The following SLC26A8 variants were observed in gnomAD, a reference collection of about 807,000 sequenced individuals.
SLC26A8 encodes testis anion transporter 1.
A neutral mutation model predicts 105.0 loss-of-function variants in SLC26A8; 70 were observed. The ratio of observed to expected loss-of-function variants is 0.67; its 90% CI spans 0.55 to 0.81. SLC26A8 has a LOEUF of 0.81. Ranked by LOEUF, SLC26A8 falls within the 40% of genes least tolerant of loss-of-function variation. SLC26A8 has a pLI of 0.00. For missense variants in SLC26A8, 998 were observed against 1,181.8 expected (o/e 0.84, Z 2.28); for synonymous variants, 415 against 438.3 (o/e 0.95, Z 0.66).
chr6:35,992,837 C>T lies in SLC26A8; in HGVS notation c.628-163G>A, dbSNP rs10947584. On this transcript the variant is annotated intron_variant, in intron 5 of 19. Transcript: ENST00000490799. ...CCCTAATGAACAGAAGTTGATAACA[C>T]GGGTCCTTGTATGTTGATCAGAGGC... Among the ~76,000 whole-genome samples, 83,723 of 151,968 alleles carry T rather than the reference C, an allele frequency of 0.55. 23,517 individuals carry two copies. Among genetic ancestry groups the T allele is most frequent in the South Asian group, 0.71 (3,420 of 4,820 alleles).
intron 1 of SLC26A8, among the ~76,000 whole-genome samples, chr6:36,020,518 C>T (rs371362529): frequency 1.8e-4 from 28 of 152,096 alleles, no homozygotes; most frequent in African/African-American, 6.8e-4. Context: ...GCTCAGGAGG[C>T]TGAGGTGGGA....
At chr6:36,003,458 T>A (rs1043814172) in intron 3 of SLC26A8, among the ~76,000 whole-genome samples, 14 of 152,180 alleles carry the variant, frequency 9.2e-5, no homozygotes, top group African/African-American at 3.4e-4. Flanking sequence ...TGGTAATTAA[T>A]TTAGTAATCT....
chr6:35,998,111 G>A (rs963710866), intron 4 of SLC26A8, among the ~76,000 whole-genome samples, 192 bp from the exon 5 acceptor site: 1 of 152,226 alleles, frequency 6.6e-6, no homozygotes, highest in South Asian at 2.1e-4. Context: ...CAACTCATGG[G>A]ATTTAGATGG....
chr6:35,949,767 GT>G (rs544940950), intron 19 of SLC26A8, among the ~76,000 whole-genome samples: 2 of 150,460 alleles, frequency 1.3e-5, no homozygotes, highest in East Asian at 1.9e-4. Flanking sequence ...TTAACTAGTT[GT>G]TTTTTTATTA....
At chr6:35,976,450 A>G (rs1179652463) in intron 9 of SLC26A8, among the ~76,000 whole-genome samples, 1 of 151,636 alleles carries the variant, frequency 6.6e-6, no homozygotes, top group Non-Finnish European at 1.5e-5. Flanking sequence ...TCAAATTGGA[A>G]CACCTGTTGT....
chr6:36,019,438 A>G (rs1349025846), intron 2 of SLC26A8, 82 bp downstream of exon 2: 18 of 1,393,764 alleles, frequency 1.3e-5, no homozygotes, highest in Non-Finnish European at 1.7e-5. Context: ...TCAGACAAGA[A>G]AGAGAAACGG....
Position 35,943,961 on chromosome 6 carries a change from T to C in SLC26A8, c.2852A>G (p.Glu951Gly). 5.6e-6 allele frequency: 9 copies of C among 1,614,168 alleles called. No homozygotes were observed. The South Asian group carries it at 9.9e-5, about 18-fold the overall frequency. The change falls in exon 20 of 20, where the codon GAG becomes GGG. Residue 951 changes from glutamate to glycine, a missense_variant. Glu to Gly is a moderately conservative substitution (Grantham distance 98). Transcript: ENST00000490799. ...TGAATCCATAGGATGGCGTCTCCTC[T>C]CCACTGACCATGTCCGAGTCTGAGT... ...SQTQTRTWSVERRRHPMDSYS... is the reference protein window; with the variant it reads ...SQTQTRTWSVGRRRHPMDSYS...
intron 5 of SLC26A8, among the ~76,000 whole-genome samples, chr6:35,993,305 C>T (rs1381926388): frequency 6.6e-6 from 1 of 151,836 alleles, no homozygotes; most frequent in African/African-American, 2.4e-5. Flanking sequence ...TGTGCCTGGC[C>T]TGCCTTTGCC....
rs745526569 is a variant in SLC26A8, at chr6:35,975,424, C to A, written c.1238G>T (p.Gly413Val). The change falls in exon 10 of 20, where the codon GGT becomes GTT. Residue 413 changes from glycine to valine, a missense_variant. Physicochemically the swap from Gly to Val is moderately radical, Grantham distance 109. Transcript: ENST00000490799. ...CTGGATAATAGTCCTAGCAATAGCA[C>A]CAGTAAACACACAAGATCTGAAAAA... Reference protein sequence around the residue: ...SSFFRSCVFTGAIARTIIQDK... With the variant: ...SSFFRSCVFTVAIARTIIQDK... The A allele has an allele frequency of 1.2e-6, 2 of 1,613,616 alleles. No homozygotes were observed. The highest frequency in any genetic ancestry group is 1.7e-6 in the Non-Finnish European group (2 of 1,179,744).
At chr6:35,975,562 G>GTTTT in intron 9 of SLC26A8, 74 bp from the exon 10 acceptor site, 13 of 609,162 alleles carry the variant, frequency 2.1e-5, no homozygotes, top group African/African-American at 1.4e-4. Context: ...AAGGCATATG[G>GTTTT]TTTTTTTTTT....
At chr6:35,944,569 T>A (rs1392974145) in intron 19 of SLC26A8, among the ~76,000 whole-genome samples, 1 of 149,638 alleles carries the variant, frequency 6.7e-6, no homozygotes, top group Non-Finnish European at 1.5e-5. Context: ...TTTTAAAAAC[T>A]AGTTGGGCAT....
chr6:36,007,685 C>T (rs1328329181), intron 3 of SLC26A8, among the ~76,000 whole-genome samples: 1 of 152,114 alleles, frequency 6.6e-6, no homozygotes, highest in Non-Finnish European at 1.5e-5. Context: ...TTAAAACTCA[C>T]TGTCAAGATA....
intron 17 of SLC26A8, 84 bp from the exon 18 acceptor site, chr6:35,951,583 TTG>T (rs2127291116): frequency 6.7e-7 from 1 of 1,502,230 alleles, no homozygotes; most frequent in Non-Finnish European, 9.2e-7. Context: ...TTGTCTTGTT[TTG>T]TTTTGGTTTT....
chr6:35,985,692 CAAAAAAAA>C (rs58199602), intron 7 of SLC26A8, among the ~76,000 whole-genome samples: 7 of 46,918 alleles, frequency 1.5e-4, no homozygotes, highest in South Asian at 1.7e-3. Context: ...GACTCCGTCT[CAAAAAAAA>C]AAAAAAAAAA....
intron 10 of SLC26A8, among the ~76,000 whole-genome samples, chr6:35,974,387 G>C (rs954555520): frequency 1.3e-5 from 2 of 152,156 alleles, no homozygotes; most frequent in Non-Finnish European, 2.9e-5. Flanking sequence ...CCTGCAATTA[G>C]ACACTTTGCC....
At chr6:35,955,024 A>G in intron 17 of SLC26A8, 128 bp downstream of exon 17, 1 of 1,052,372 alleles carries the variant, frequency 9.5e-7, no homozygotes, top group Non-Finnish European at 1.4e-6. Context: ...TTTGGTGTCC[A>G]AGGCTCTGGT....
intron 19 of SLC26A8, 142 bp downstream of exon 19, chr6:35,951,021 C>T (rs1215219670): frequency 3.7e-6 from 3 of 812,820 alleles, no homozygotes; most frequent in Non-Finnish European, 1.9e-6. Context: ...GATTCTGGTA[C>T]AGCCATACTA....
At chr6:35,950,568 A>G (rs1771834739) in intron 19 of SLC26A8, among the ~76,000 whole-genome samples, 1 of 152,226 alleles carries the variant, frequency 6.6e-6, no homozygotes, top group South Asian at 2.1e-4. Flanking sequence ...TACAGGCGTG[A>G]GCCATCGCAC....
chr6:35,948,985 C>T (rs1217840246), intron 19 of SLC26A8, among the ~76,000 whole-genome samples: 1 of 152,182 alleles, frequency 6.6e-6, no homozygotes, highest in Non-Finnish European at 1.5e-5. Flanking sequence ...ACTGAAACTG[C>T]CAGGACCTTG....
Sources: allele counts gnomAD v4.1 joint callset (sites outside exome capture counted in the v4.1 genomes callset), GRCh38; gene constraint gnomAD v4.1.1; transcripts MANE v1.5; gene names NCBI Gene and HGNC (gene_info 2026-07-23, HGNC 2026-07-21).